Variants in RBM25 observed in about 807,000 individuals in gnomAD.
The protein encoded by RBM25 is RNA binding motif protein 25.
RBM25 carries 19 observed loss-of-function variants against 120.7 expected under a neutral mutation model. The ratio of observed to expected loss-of-function variants is 0.16; its 90% CI spans 0.11 to 0.23. The LOEUF is 0.23. Among genes scored for constraint, RBM25 ranks in the 10% least tolerant of loss-of-function variants. RBM25 has a pLI of 1.00. For missense variants in RBM25, 605 were observed against 1,041.5 expected (o/e 0.58, Z 5.77); for synonymous variants, 390 against 326.7 (o/e 1.19, Z -2.09).
intron 6 of RBM25, chr14:73,088,600 C>G: frequency 3.0e-6 from 1 of 335,914 alleles, no homozygotes. Flanking sequence ...TATCCAAGCT[C>G]TACTAAGTGA....
intron 9 of RBM25, 160 bp downstream of exon 9, chr14:73,099,910 C>T: frequency 8.8e-7 from 1 of 1,134,954 alleles, no homozygotes; most frequent in Non-Finnish European, 1.2e-6. Flanking sequence ...AGACCAATAC[C>T]ATATTAAAGT....
Position 73,119,897 on chromosome 14 carries a change from G to T in RBM25, c.*92G>T, listed in dbSNP as rs878917288. On this transcript the variant is annotated 3_prime_UTR_variant, in exon 19 of 19. Coordinates refer to ENST00000261973, the MANE Select transcript of RBM25 (RefSeq NM_021239.3). ...TTCTTTGTCTTTGAAGACATTGTGA[G>T]ATCTGTAATTTTTTTTTTTTGTAGA... The T allele has an allele frequency of 6.8e-7, 1 of 1,477,814 alleles. No individual in the cohort carries two copies. The highest frequency in any genetic ancestry group is 1.4e-5 in the African/African-American group (1 of 69,170). The allele number at this position is 1,477,814 out of a possible 1,614,324, so 91.5% of individuals were successfully genotyped here.
Position 73,112,214 on chromosome 14 carries a change from A to G in RBM25, c.2355A>G (p.Glu785=). The G allele has an allele frequency of 6.2e-7, 1 of 1,607,022 alleles. No individual in the cohort carries two copies. Among genetic ancestry groups the G allele is most frequent in the Non-Finnish European group, 8.5e-7 (1 of 1,178,352 alleles). ...INKKIIEYIG[E]EEATLVDFVC... Reference sequence around the variant, plus strand: ...AGAAAATCATAGAATATATAGGTGAAGAAGAAGCTACATTAGTTGATTTTG... The same window carrying G: ...AGAAAATCATAGAATATATAGGTGAGGAAGAAGCTACATTAGTTGATTTTG... Residue 785 remains glutamate (E), a synonymous_variant, in exon 17 of 19, where the codon GAA becomes GAG. Transcript: ENST00000261973.
rs866864335 is a variant in RBM25 at position 73,121,694 on chromosome 14, A to T, written c.*1889A>T. On this transcript the variant is annotated 3_prime_UTR_variant, in exon 19 of 19. Transcript: ENST00000261973. ...TTAAGCATCATATTGTGTTGTTTTT[A>T]TTTAGCCACTATTAACATGAAGGTT... 6.6e-6 allele frequency: 1 copy of T among 152,130 alleles called. No homozygotes were observed. The highest frequency in any genetic ancestry group is 1.9e-4 in the East Asian group (1 of 5,198). The allele number at this position is 152,130 out of a possible 1,614,324, so 9.4% of individuals were successfully genotyped here. A position where few individuals can be genotyped will look rare whatever the true frequency, so the allele number is the denominator to read the frequency against.
intron 18 of RBM25, among the ~76,000 whole-genome samples, chr14:73,119,468 T>C (rs1173734152): frequency 2.6e-5 from 4 of 152,300 alleles, no homozygotes; most frequent in East Asian, 3.9e-4. Context: ...GGTTTCACCA[T>C]GTTAGTCAGG....
At position 73,096,879 on chromosome 14, in the gene RBM25, A is replaced by AT. The variant is rs1895951833; in HGVS notation, c.544-31dup. 2.5e-6 allele frequency: 4 copies of AT among 1,584,502 alleles called. No homozygotes were observed. In the African/African-American group the frequency reaches 5.4e-5, roughly 22 times the overall value. On this transcript the variant is annotated intron_variant, in intron 6 of 18. Transcript: ENST00000261973. ...AGAGTGATTTTGATTTTCTTGCTTG[A>AT]TTTTTCTTTCCCCTGAATTTGCTGT...
At chr14:73,106,335 G>A (rs749230916) in intron 12 of RBM25, 50 bp downstream of exon 12, 3 of 1,401,068 alleles carry the variant, frequency 2.1e-6, no homozygotes, top group Admixed American at 4.7e-5. Flanking sequence ...AAGTCAGATT[G>A]TATCTTTACT....
chr14:73,064,390 C>T (rs760713981), intron 1 of RBM25, among the ~76,000 whole-genome samples: 1 of 151,154 alleles, frequency 6.6e-6, no homozygotes, highest in African/African-American at 2.4e-5. Flanking sequence ...CCATGAGAGA[C>T]CAATCTTTTT....
At chr14:73,109,572 T>C in intron 14 of RBM25, 80 bp downstream of exon 14, 1 of 1,366,608 alleles carries the variant, frequency 7.3e-7, no homozygotes, top group Non-Finnish European at 1.0e-6. Flanking sequence ...GGCGGGCGGA[T>C]CACGAGGTCG....
At position 73,119,295 on chromosome 14, in the gene RBM25, T is replaced by TG. The variant is rs572121649; in HGVS notation, c.2440-416dup. ...TTTTTTTTGTTTTTCTTTTTTGAGA[T>TG]GGAGTCTTGCTCTGTTGCTCAGGCT... On this transcript the variant is annotated intron_variant, in intron 18 of 18. Coordinates refer to ENST00000261973, the MANE Select transcript of RBM25 (RefSeq NM_021239.3). 3.7e-4 allele frequency among the ~76,000 whole-genome samples: 56 copies of TG among 152,178 alleles called. 1 individual carries two copies. The South Asian group carries it at 7.3e-3, about 20-fold the overall frequency.
At chr14:73,081,768 G>T (rs1895569665) in intron 4 of RBM25, among the ~76,000 whole-genome samples, 1 of 152,194 alleles carries the variant, frequency 6.6e-6, no homozygotes, top group Admixed American at 6.6e-5. Flanking sequence ...TGAAGGTGCT[G>T]CCTTATCGTG....
chr14:73,117,492 A>G (rs1275262389), intron 18 of RBM25, among the ~76,000 whole-genome samples: 1 of 151,888 alleles, frequency 6.6e-6, no homozygotes, highest in Non-Finnish European at 1.5e-5. Flanking sequence ...AGGCCTCCCA[A>G]AGTGCTGGGA....
chr14:73,075,591 G>A (rs2140430464), intron 2 of RBM25, among the ~76,000 whole-genome samples: 1 of 152,236 alleles, frequency 6.6e-6, no homozygotes, highest in African/African-American at 2.4e-5. Flanking sequence ...AATTTTATAT[G>A]TTTATCATGC....
At chr14:73,066,293 C>G (rs747121827) in intron 1 of RBM25, among the ~76,000 whole-genome samples, 1 of 152,104 alleles carries the variant, frequency 6.6e-6, no homozygotes. Flanking sequence ...TACTGATAAC[C>G]TACCTACTGT....
rs938133830 is a variant in RBM25 at position 73,121,526 on chromosome 14, T to C, written c.*1721T>C. 1.3e-5 allele frequency: 2 copies of C among 152,312 alleles called. No individual in the cohort carries two copies. The highest frequency in any genetic ancestry group is 4.8e-5 in the African/African-American group (2 of 41,466). 9.4% of individuals were successfully genotyped at this position (152,312 alleles called of 1,614,324 possible). A position where few individuals can be genotyped will look rare whatever the true frequency, so the allele number is the denominator to read the frequency against. The stretch of plus-strand genomic sequence containing the variant: ...GAAATGTCTCTTTTATTTTAAATTC[T>C]GGTTTCTCAACGGAAAATTTCAGAA... On this transcript the variant is annotated 3_prime_UTR_variant, in exon 19 of 19. Transcript: ENST00000261973.
rs370742418 is a variant in RBM25, at chr14:73,077,575, A to G, written c.324+39A>G. 2.0e-6 allele frequency: 3 copies of G among 1,485,204 alleles called. No homozygotes were observed. In the African/African-American group the frequency reaches 4.3e-5, roughly 21 times the overall value. The allele number at this position is 1,485,204 out of a possible 1,614,324, so 92.0% of individuals were successfully genotyped here. A position where few individuals can be genotyped will look rare whatever the true frequency, so the allele number is the denominator to read the frequency against. On this transcript the variant is annotated intron_variant, in intron 4 of 18. Transcript: ENST00000261973. ...TTTATTTTTCATTAAAAATTTTTTT[A>G]TCATTCTACATTTCAAACTTAAGCA...
chr14:73,082,605 A>C (rs894234533), intron 4 of RBM25, among the ~76,000 whole-genome samples: 1 of 152,196 alleles, frequency 6.6e-6, no homozygotes, highest in Middle Eastern at 3.2e-3. Context: ...TTTTTAAAGT[A>C]TAATAGTGTC....
chr14:73,107,982 C>G, intron 13 of RBM25, 83 bp downstream of exon 13: 1 of 886,420 alleles, frequency 1.1e-6, no homozygotes, highest in Non-Finnish European at 1.8e-6. Context: ...AATGCATGTT[C>G]ACTAAGTGGA....
chr14:73,101,040 T>C (rs1896045641), intron 9 of RBM25: 1 of 152,218 alleles, frequency 6.6e-6, no homozygotes, highest in Non-Finnish European at 1.5e-5. Flanking sequence ...AATCATGTTT[T>C]AAGAAAAATT....
Sources: allele counts gnomAD v4.1 joint callset (sites outside exome capture counted in the v4.1 genomes callset), GRCh38; gene constraint gnomAD v4.1.1; transcripts MANE v1.5; gene names NCBI Gene and HGNC (gene_info 2026-07-23, HGNC 2026-07-21).